Variants in SEC23B observed in about 807,000 individuals in gnomAD.
SEC23B encodes SEC23 homolog B, COPII component.
A neutral mutation model predicts 104.3 loss-of-function variants in SEC23B; 77 were observed. That is an observed-to-expected ratio of 0.74 (90% CI 0.61 to 0.89). The LOEUF is 0.89. SEC23B is among the 40% of genes least tolerant of loss of function. The pLI is 0.00. For missense variants in SEC23B, 885 were observed against 949.4 expected (o/e 0.93, Z 0.89); for synonymous variants, 338 against 332.5 (o/e 1.02, Z -0.18).
intron 9 of SEC23B, among the ~76,000 whole-genome samples, chr20:18,529,369 A>G (rs745909369): frequency 1.3e-5 from 2 of 152,252 alleles, no homozygotes; most frequent in East Asian, 1.9e-4. Context: ...GAAGCTCCCA[A>G]TGCTGGAGGA....
intron 16 of SEC23B, 92 bp downstream of exon 16, chr20:18,548,862 G>T (rs903026693): frequency 1.5e-6 from 2 of 1,347,180 alleles, no homozygotes; most frequent in Non-Finnish European, 2.1e-6. Context: ...CTGTAAAAAA[G>T]AAGTAAAATT....
intron 5 of SEC23B, 132 bp from the exon 6 acceptor site, chr20:18,524,803 C>A: frequency 8.2e-7 from 1 of 1,213,860 alleles, no homozygotes; most frequent in Non-Finnish European, 1.2e-6. Context: ...AGCCATTGGC[C>A]CACCTCAGCC....
At chr20:18,507,605 G>A (rs1380082732), upstream of SEC23B, 4 of 152,316 alleles carry the variant, frequency 2.6e-5, no homozygotes, top group Non-Finnish European at 5.9e-5. Flanking sequence ...TTCCCACTGA[G>A]ACGAGCGGAT....
At position 18,513,304 on chromosome 20, in the gene SEC23B, C is replaced by T. The variant is rs377176851; in HGVS notation, c.279+1022C>T. 3.3e-5 allele frequency among the ~76,000 whole-genome samples: 5 copies of T among 150,258 alleles called. No homozygotes were observed. In the South Asian group the frequency reaches 8.4e-4, roughly 25 times the overall value. On this transcript the variant is annotated intron_variant, in intron 3 of 19. Transcript: ENST00000650089. Reference sequence around the variant, plus strand: ...TGGAGGTTGCAGTGAGCTGAGATTGCGCCACTGCACTTCAGCCTGGCAACA... The same window carrying T: ...TGGAGGTTGCAGTGAGCTGAGATTGTGCCACTGCACTTCAGCCTGGCAACA...
At chr20:18,517,109 T>C (rs962616441) in intron 4 of SEC23B, among the ~76,000 whole-genome samples, 4 of 152,246 alleles carry the variant, frequency 2.6e-5, no homozygotes, top group Non-Finnish European at 5.9e-5. Context: ...ATTCCATTTT[T>C]ATCGGAAATA....
At chr20:18,537,608 A>G (rs62216398) in intron 12 of SEC23B, among the ~76,000 whole-genome samples, 325 of 152,136 alleles carry the variant, frequency 2.1e-3, no homozygotes, top group Admixed American at 4.1e-3. Context: ...AGGGGGGAGG[A>G]ATAACATTAG....
Position 18,530,777 on chromosome 20 carries a change from G to A in SEC23B, c.1207G>A (p.Ala403Thr). The stretch of plus-strand genomic sequence containing the variant: ...AGATTTTAATGGAGATTTCCGAATG[G>A]CATTTGGTGCTACTTTGGACGTAAA... ...TKDFNGDFRMAFGATLDVKTS... is the reference protein window; with the variant it reads ...TKDFNGDFRMTFGATLDVKTS... The change falls in exon 10 of 20, where the codon GCA becomes ACA. Residue 403 changes from alanine (A) to threonine (T), a missense_variant. Transcript: ENST00000650089. 3 of 1,612,712 alleles carry A rather than the reference G, an allele frequency of 1.9e-6. No individual in the cohort carries two copies. Among genetic ancestry groups the A allele is most frequent in the Non-Finnish European group, 2.5e-6 (3 of 1,179,352 alleles).
chr20:18,518,582 G>GTTTTTT (rs57231166), intron 4 of SEC23B, among the ~76,000 whole-genome samples: 23,710 of 92,168 alleles, frequency 0.26, 4,479 homozygotes, highest in Non-Finnish European at 0.28. Flanking sequence ...CTGGAAGGAG[G>GTTTTTT]TTTTTTTTTT....
At chr20:18,523,913 C>T (rs1045555938) in intron 4 of SEC23B, among the ~76,000 whole-genome samples, 21 of 152,052 alleles carry the variant, frequency 1.4e-4, no homozygotes, top group African/African-American at 1.2e-4. Context: ...GACGGGGTCT[C>T]GCCATGTTGG....
rs992663914 is a variant in SEC23B at position 18,510,853 on chromosome 20, G to A, written c.18G>A (p.Glu6=). Residue 6 remains glutamate, a synonymous_variant, in exon 2 of 20, where the codon GAG becomes GAA. Transcript: ENST00000650089. ...TTTAGACTATGGCGACATACCTGGA[G>A]TTCATCCAGCAGAATGAAGAACGGG... MATYL[E]FIQQNEERDG... 3.1e-6 allele frequency: 5 copies of A among 1,613,958 alleles called. No individual in the cohort carries two copies. The Admixed American group carries it at 5.0e-5, about 16-fold the overall frequency.
chr20:18,510,996 T>C lies in SEC23B; in HGVS notation c.161T>C (p.Val54Ala), dbSNP rs572723960. 2.5e-6 allele frequency: 4 copies of C among 1,614,226 alleles called. No homozygotes were observed. In the African/African-American group the frequency reaches 5.3e-5, roughly 22 times the overall value. Reference sequence around the variant, plus strand: ...AAAGAACGTCCAGACCTACCTCCTGTACAATATGAACCTGTGCTTTGCAGC... The same window carrying C: ...AAAGAACGTCCAGACCTACCTCCTGCACAATATGAACCTGTGCTTTGCAGC... Reference protein sequence around the residue: ...PLKERPDLPPVQYEPVLCSRP... With the variant: ...PLKERPDLPPAQYEPVLCSRP... The change falls in exon 2 of 20, where the codon GTA becomes GCA. Residue 54 changes from valine (V) to alanine (A), a missense_variant. Transcript: ENST00000650089.
chr20:18,521,112 G>A (rs956224699), intron 4 of SEC23B, among the ~76,000 whole-genome samples: 2 of 152,192 alleles, frequency 1.3e-5, no homozygotes, highest in South Asian at 2.1e-4. Flanking sequence ...CGGTTTAGGC[G>A]TTTGGAGTTC....
At chr20:18,508,495 A>C (rs893318078) in intron 1 of SEC23B, among the ~76,000 whole-genome samples, 1 of 152,032 alleles carries the variant, frequency 6.6e-6, no homozygotes, top group Non-Finnish European at 1.5e-5. Flanking sequence ...CTTCCCCGAT[A>C]CTTTGGTAAA....
chr20:18,556,230 G>C (rs2060437126), intron 19 of SEC23B, among the ~76,000 whole-genome samples: 1 of 152,130 alleles, frequency 6.6e-6, no homozygotes, highest in Admixed American at 6.5e-5. Flanking sequence ...AACAGGCCAA[G>C]GACTGGTACT....
chr20:18,522,280 A>G (rs1006219248), intron 4 of SEC23B, among the ~76,000 whole-genome samples: 3 of 152,306 alleles, frequency 2.0e-5, no homozygotes, highest in Non-Finnish European at 4.4e-5. Context: ...CAGAGATCAG[A>G]CGCCAATGGA....
chr20:18,510,361 A>G (rs1600223496), intron 1 of SEC23B, among the ~76,000 whole-genome samples: 1 of 152,332 alleles, frequency 6.6e-6, no homozygotes, highest in East Asian at 1.9e-4. Flanking sequence ...GAGGTGAGAA[A>G]GGAGCAGTGA....
chr20:18,548,728 C>A lies in SEC23B; in HGVS notation c.1863C>A (p.Ile621=). Residue 621 remains isoleucine (I), a synonymous_variant, in exon 16 of 20, where the codon ATC becomes ATA. Transcript: ENST00000650089. ...RQDLTQSLIM[I]QPILYSYSFH... The stretch of plus-strand genomic sequence containing the variant: ...ACCTGACCCAGTCCCTCATCATGAT[C>A]CAGCCCATTCTCTACTCTTACTCCT... 6.2e-7 allele frequency: 1 copy of A among 1,614,206 alleles called. No individual in the cohort carries two copies. Among genetic ancestry groups the A allele is most frequent in the Non-Finnish European group, 8.5e-7 (1 of 1,180,038 alleles).
intron 4 of SEC23B, among the ~76,000 whole-genome samples, chr20:18,518,834 T>C (rs1264792696): frequency 6.6e-6 from 1 of 152,120 alleles, no homozygotes; most frequent in Non-Finnish European, 1.5e-5. Flanking sequence ...CCTTTGGAAG[T>C]AAAGCAGCCT....
At chr20:18,515,505 G>T (rs897167004) in intron 3 of SEC23B, 145 bp from the exon 4 acceptor site, 2 of 660,584 alleles carry the variant, frequency 3.0e-6, no homozygotes, top group South Asian at 3.0e-5. Context: ...TACAGACAGG[G>T]TCTCACAGTG....
Sources: gnomAD v4.1 joint callset for allele counts (sites outside exome capture counted in the v4.1 genomes callset) on GRCh38, gnomAD v4.1.1 for gene constraint, MANE v1.5 for transcripts, NCBI Gene and HGNC (gene_info 2026-07-23, HGNC 2026-07-21) for gene names.